ASB5: variants seen among roughly 807,000 people sequenced by gnomAD.
The protein encoded by ASB5 is ankyrin repeat and SOCS box containing 5.
A neutral mutation model predicts 42.1 loss-of-function variants in ASB5; 45 were observed. The ratio of observed to expected loss-of-function variants is 1.07; its 90% CI spans 0.84 to 1.37. The LOEUF (loss-of-function observed/expected upper bound fraction) is 1.37. Among genes scored for constraint, ASB5 ranks in the 40% most tolerant of loss-of-function variants. The pLI, the probability that ASB5 is intolerant of heterozygous loss-of-function variation, is 0.00. For synonymous variants in ASB5, 147 were observed against 150.6 expected, an observed-to-expected ratio of 0.98 and a Z score of 0.18; for missense variants, 402 against 399.8, an observed-to-expected ratio of 1.01 and a Z score of -0.05.
chr4:176,270,081 C>T (rs926698834), upstream of ASB5, among the ~76,000 whole-genome samples: 13 of 152,154 alleles, frequency 8.5e-5, no homozygotes, highest in Admixed American at 2.0e-4. Context: ...TATCCTTAGG[C>T]AACTTATATT....
chr4:176,259,928 T>C (rs1029108667), intron 1 of ASB5, among the ~76,000 whole-genome samples: 2 of 152,174 alleles, frequency 1.3e-5, no homozygotes, highest in Non-Finnish European at 2.9e-5. Context: ...AGAGAGAGGA[T>C]GCCTTCCTGA....
chr4:176,221,156 A>T lies in ASB5; in HGVS notation c.669T>A (p.Ala223=). Residue 223 remains alanine, a splice_region_variant and synonymous_variant, in exon 5 of 7, where the codon GCT becomes GCA. Transcript: ENST00000296525. ...QFHCIWKLLY[A]GADVQKGKYW... Reference sequence around the variant, plus strand: ...GGAAGATGTTTTAAAGGAAAATACCAGCATAAAGAAGCTTCCAGATGCAAT... The same window carrying T: ...GGAAGATGTTTTAAAGGAAAATACCTGCATAAAGAAGCTTCCAGATGCAAT... The T allele has an allele frequency of 6.2e-7, 1 of 1,611,252 alleles. No homozygotes were observed. Among genetic ancestry groups the T allele is most frequent in the Non-Finnish European group, 8.5e-7 (1 of 1,179,056 alleles).
At chr4:176,274,062 T>C (rs1754521973), upstream of ASB5, among the ~76,000 whole-genome samples, 1 of 152,192 alleles carries the variant, frequency 6.6e-6, no homozygotes, top group Non-Finnish European at 1.5e-5. Flanking sequence ...TTGGAAAAAG[T>C]GCTCTTCCTC....
Position 176,233,835 on chromosome 4 carries a change from T to C in ASB5, c.197-8494A>G, listed in dbSNP as rs538160983. On this transcript the variant is annotated intron_variant, in intron 1 of 6. Coordinates refer to ENST00000296525, the MANE Select transcript of ASB5 (RefSeq NM_080874.4). ...CAACTTCTCCACTTGAATATCTAAA[T>C]AGGTAATACAACTTAACATGTCCCA... Among the ~76,000 whole-genome samples the C allele has an allele frequency of 6.6e-5, 10 of 152,252 alleles. No homozygotes were observed. In the South Asian group the frequency reaches 2.1e-3, roughly 32 times the overall value.
rs529705955 is a variant in ASB5, at chr4:176,252,184, C to T, written c.196+16729G>A. Among the ~76,000 whole-genome samples, 5 of 150,544 alleles carry T rather than the reference C, an allele frequency of 3.3e-5. No homozygotes were observed. The South Asian group carries it at 8.4e-4, about 25-fold the overall frequency. Reference sequence around the variant, plus strand: ...GCCACTTTTTGAGGTTAAAAGAAATCGGGAAAAGGGACAATATGTCTGATT... The same window carrying T: ...GCCACTTTTTGAGGTTAAAAGAAATTGGGAAAAGGGACAATATGTCTGATT... On this transcript the variant is annotated intron_variant, in intron 1 of 6. Transcript: ENST00000296525.
At chr4:176,253,266 AT>A (rs1337936523) in intron 1 of ASB5, among the ~76,000 whole-genome samples, 1 of 152,206 alleles carries the variant, frequency 6.6e-6, no homozygotes, top group Admixed American at 6.5e-5. Context: ...TATAAAACAG[AT>A]TTTTTATTTC....
At chr4:176,230,353 G>A (rs1753503088) in intron 1 of ASB5, among the ~76,000 whole-genome samples, 1 of 151,968 alleles carries the variant, frequency 6.6e-6, no homozygotes, top group South Asian at 2.1e-4. Context: ...TAAAACAATT[G>A]AGTGATTTAT....
At chr4:176,221,667 T>C in intron 3 of ASB5, 67 bp from the exon 4 acceptor site, 1 of 1,377,340 alleles carries the variant, frequency 7.3e-7, no homozygotes, top group East Asian at 2.3e-5. Flanking sequence ...ACTTAGGCAT[T>C]GTCAAAAGGT....
At chr4:176,254,424 A>T (rs1394138157) in intron 1 of ASB5, among the ~76,000 whole-genome samples, 3 of 152,186 alleles carry the variant, frequency 2.0e-5, no homozygotes, top group Non-Finnish European at 4.4e-5. Context: ...AATTGATTAA[A>T]TATTTAAATG....
intron 1 of ASB5, among the ~76,000 whole-genome samples, chr4:176,255,364 G>C (rs936814409): frequency 3.3e-5 from 5 of 152,114 alleles, no homozygotes; most frequent in African/African-American, 1.2e-4. Flanking sequence ...CCCATTACTG[G>C]GTATATACCT....
At chr4:176,225,714 C>T (rs1753358547) in intron 1 of ASB5, among the ~76,000 whole-genome samples, 1 of 152,154 alleles carries the variant, frequency 6.6e-6, no homozygotes, top group South Asian at 2.1e-4. Flanking sequence ...CTCAGTTTCT[C>T]GAGTAGCAGG....
At chr4:176,230,181 A>G (rs1300272571) in intron 1 of ASB5, among the ~76,000 whole-genome samples, 3 of 152,212 alleles carry the variant, frequency 2.0e-5, no homozygotes, top group Non-Finnish European at 2.9e-5. Flanking sequence ...ACAATAAATA[A>G]TAACTAGCAT....
rs1382545673 is a variant in ASB5 at position 176,213,806 on chromosome 4, G to A, written c.*1794C>T. The stretch of plus-strand genomic sequence containing the variant: ...GGTACAGACATACTGAAATTGTAAA[G>A]TGACCATTTTAATGTTTGATATTTA... On this transcript the variant is annotated 3_prime_UTR_variant, in exon 7 of 7. Transcript: ENST00000296525. 1 of 152,020 alleles carries A rather than the reference G, an allele frequency of 6.6e-6. No homozygotes were observed. The highest frequency in any genetic ancestry group is 1.5e-5 in the Non-Finnish European group (1 of 67,956). The allele number at this position is 152,020 out of a possible 1,614,324, so 9.4% of individuals were successfully genotyped here. A position where few individuals can be genotyped will look rare whatever the true frequency, so the allele number is the denominator to read the frequency against.
At chr4:176,228,129 A>G (rs1011015826) in intron 1 of ASB5, among the ~76,000 whole-genome samples, 1 of 152,228 alleles carries the variant, frequency 6.6e-6, no homozygotes, top group Non-Finnish European at 1.5e-5. Context: ...TTTTTAATTT[A>G]GTGGGATGAA....
intron 1 of ASB5, among the ~76,000 whole-genome samples, chr4:176,249,863 A>T (rs951550701): frequency 2.0e-5 from 3 of 151,948 alleles, no homozygotes; most frequent in African/African-American, 4.8e-5. Flanking sequence ...CAGGAGATGG[A>T]GACCATCCTG....
At chr4:176,234,232 C>T (rs1753626463) in intron 1 of ASB5, among the ~76,000 whole-genome samples, 1 of 151,890 alleles carries the variant, frequency 6.6e-6, no homozygotes, top group Admixed American at 6.6e-5. Context: ...GGAATAAAAT[C>T]CGAAGTCTTT....
intron 1 of ASB5, among the ~76,000 whole-genome samples, chr4:176,239,606 C>A (rs1409644440): frequency 3.3e-5 from 5 of 152,142 alleles, no homozygotes; most frequent in African/African-American, 4.8e-5. Context: ...TGTTATTGCA[C>A]AGGTCTAAGT....
At position 176,217,205 on chromosome 4, in the gene ASB5, A is replaced by G. The variant is rs1752997862; in HGVS notation, c.671-196T>C. Among the ~76,000 whole-genome samples, 4 of 152,300 alleles carry G rather than the reference A, an allele frequency of 2.6e-5. No homozygotes were observed. In the South Asian group the frequency reaches 8.3e-4, roughly 32 times the overall value. The stretch of plus-strand genomic sequence containing the variant: ...ATATGCCTCATATGTACATATACAT[A>G]TATATAAACTGGGCACATCTGAATG... On this transcript the variant is annotated intron_variant, in intron 5 of 6. Transcript: ENST00000296525.
chr4:176,235,623 T>G (rs2126958674), intron 1 of ASB5, among the ~76,000 whole-genome samples: 1 of 152,234 alleles, frequency 6.6e-6, no homozygotes, highest in Non-Finnish European at 1.5e-5. Flanking sequence ...TTTTGGGAAA[T>G]CAAATATTAT....
Sources: gnomAD v4.1 joint callset for allele counts (sites outside exome capture counted in the v4.1 genomes callset) on GRCh38, gnomAD v4.1.1 for gene constraint, MANE v1.5 for transcripts, NCBI Gene and HGNC (gene_info 2026-07-23, HGNC 2026-07-21) for gene names.